AGMO: variants seen among roughly 807,000 people sequenced by gnomAD.
The protein encoded by AGMO is glyceryl-ether monooxygenase.
In AGMO, 75 loss-of-function variants were observed where a neutral mutation model predicts 60.2. The observed-to-expected ratio is 1.25, with a 90% confidence interval of 1.03 to 1.51. The LOEUF is 1.51. Among genes scored for constraint, AGMO ranks in the 40% most tolerant of loss-of-function variants. The pLI, the probability that AGMO is intolerant of heterozygous loss-of-function variation, is 0.00. For synonymous variants in AGMO, 261 were observed against 177.1 expected (o/e 1.47, Z -3.76); for missense variants, 763 against 525.5 (o/e 1.45, Z -4.42).
At chr7:15,317,927 G>GTATATATATATACACACACGTA (rs1780984122) in intron 12 of AGMO, among the ~76,000 whole-genome samples, 4 of 126,758 alleles carry the variant, frequency 3.2e-5, no homozygotes, top group African/African-American at 6.5e-5. Flanking sequence ...ATACACACAC[G>GTATATATATATACACACACGTA]TATATATATA....
intron 12 of AGMO, among the ~76,000 whole-genome samples, chr7:15,327,961 A>G (rs1781395866): frequency 6.6e-6 from 1 of 151,102 alleles, no homozygotes; most frequent in South Asian, 2.1e-4. Context: ...TTTTTGGTTG[A>G]GACAGGGTCT....
intron 3 of AGMO, among the ~76,000 whole-genome samples, chr7:15,473,575 G>C (rs1013354132): frequency 5.3e-5 from 8 of 152,036 alleles, no homozygotes; most frequent in Admixed American, 2.0e-4. Context: ...AATAATAAGA[G>C]CTATTTATGG....
chr7:15,327,604 GCA>G (rs1781379161), intron 12 of AGMO, among the ~76,000 whole-genome samples: 1 of 151,982 alleles, frequency 6.6e-6, no homozygotes, highest in Non-Finnish European at 1.5e-5. Context: ...GACTACTATA[GCA>G]CAGTGATATG....
chr7:15,123,593 G>A, the AGMO span, among the ~76,000 whole-genome samples: 1 of 152,024 alleles, frequency 6.6e-6, no homozygotes, highest in Non-Finnish European at 1.5e-5. Context: ...TTTTGATAAT[G>A]TATAAATAGC....
At chr7:15,417,360 G>A (rs893343599) in intron 5 of AGMO, among the ~76,000 whole-genome samples, 15 of 152,006 alleles carry the variant, frequency 9.9e-5, no homozygotes, top group African/African-American at 1.9e-4. Context: ...CCCTCTCATC[G>A]GGACACAGGA....
chr7:15,184,525 GGGAA>G, the AGMO span, among the ~76,000 whole-genome samples: 5 of 130,854 alleles, frequency 3.8e-5, no homozygotes, highest in Non-Finnish European at 8.1e-5. Context: ...AAGGGAGGGA[GGGAA>G]GGAAGGGAGG....
At chr7:15,256,025 A>T (rs1783090308) in intron 12 of AGMO, among the ~76,000 whole-genome samples, 1 of 152,236 alleles carries the variant, frequency 6.6e-6, no homozygotes, top group Non-Finnish European at 1.5e-5. Flanking sequence ...GCCGTGGTAT[A>T]GTGAAAAGAT....
chr7:15,394,296 G>A (rs969533261), intron 5 of AGMO, 117 bp from the exon 6 acceptor site: 3 of 770,516 alleles, frequency 3.9e-6, no homozygotes, highest in African/African-American at 1.8e-5. Flanking sequence ...TTCAGGGTTG[G>A]TATCAGAGAG....
rs1344809495 is a variant in AGMO at position 15,355,299 on chromosome 7, G to A, written c.1263+10215C>T. On this transcript the variant is annotated intron_variant, in intron 12 of 12. Coordinates refer to ENST00000342526, the MANE Select transcript of AGMO (RefSeq NM_001004320.2). ...GGGCGGATCACAAGGTCAGGAGATC[G>A]AGACCATCCTGGCTAACACGGTGAA... Among the ~76,000 whole-genome samples the A allele has an allele frequency of 2.6e-5, 4 of 151,854 alleles. No homozygotes were observed. In the South Asian group the frequency reaches 6.2e-4, roughly 24 times the overall value.
In AGMO at chr7:15,526,374, T is replaced by C. The variant is rs932844968; in HGVS notation, c.409+18398A>G. On this transcript the variant is annotated intron_variant, in intron 3 of 12. Transcript: ENST00000342526. ...AACATTTCTTTTTGCTGACTCCAAG[T>C]TTTAGTGAGAGCCTTACTTCTTTAA... is the stretch of plus-strand genomic sequence containing the variant. 2.6e-5 allele frequency among the ~76,000 whole-genome samples: 4 copies of C among 152,202 alleles called. No individual in the cohort carries two copies. The East Asian group carries it at 7.7e-4, about 29-fold the overall frequency.
intron 12 of AGMO, among the ~76,000 whole-genome samples, chr7:15,313,981 G>C (rs1254315033): frequency 3.3e-5 from 5 of 151,854 alleles, no homozygotes; most frequent in Admixed American, 3.3e-4. Context: ...GAATGACATA[G>C]GTGATGTAGT....
At position 15,282,253 on chromosome 7, in the gene AGMO, G is replaced by C. The variant is rs370390995; in HGVS notation, c.1264-80894C>G. Among the ~76,000 whole-genome samples, 7 of 151,824 alleles carry C rather than the reference G, an allele frequency of 4.6e-5. No individual in the cohort carries two copies. The East Asian group carries it at 1.2e-3, about 25-fold the overall frequency. On this transcript the variant is annotated intron_variant, in intron 12 of 12. Transcript: ENST00000342526. Reference sequence around the variant, plus strand: ...TGAAACCTCTACAATACCAGATAAAGAATTCAAAAGGTTGAATATTAAGCT... The same window carrying C: ...TGAAACCTCTACAATACCAGATAAACAATTCAAAAGGTTGAATATTAAGCT...
intron 10 of AGMO, among the ~76,000 whole-genome samples, chr7:15,368,375 T>TG (rs1463880374): frequency 6.6e-6 from 1 of 152,102 alleles, no homozygotes; most frequent in Non-Finnish European, 1.5e-5. Flanking sequence ...CTCACTATAT[T>TG]GCTTCATTGT....
At chr7:15,200,136 TATTAA>T (rs1242431547), downstream of AGMO, among the ~76,000 whole-genome samples, 2 of 152,004 alleles carry the variant, frequency 1.3e-5, no homozygotes, top group African/African-American at 4.8e-5. Context: ...TAAATTTTAT[TATTAA>T]ATTATTAAAT....
chr7:15,407,298 A>G (rs1391023268), intron 5 of AGMO, among the ~76,000 whole-genome samples: 4 of 147,330 alleles, frequency 2.7e-5, no homozygotes, highest in Non-Finnish European at 1.5e-5. Flanking sequence ...AACACTAGAA[A>G]TGCATACATG....
intron 4 of AGMO, among the ~76,000 whole-genome samples, chr7:15,430,634 A>ATTTT (rs1370832239): frequency 9.0e-6 from 1 of 110,676 alleles, no homozygotes; most frequent in Non-Finnish European, 2.1e-5. Flanking sequence ...TTTTTTTAAA[A>ATTTT]AAAAAAAAAA....
At chr7:15,435,732 T>C (rs1229385104) in intron 3 of AGMO, among the ~76,000 whole-genome samples, 2 of 152,202 alleles carry the variant, frequency 1.3e-5, no homozygotes, top group African/African-American at 2.4e-5. Context: ...ATATTCTTGA[T>C]GATTTTATTT....
chr7:15,244,783 C>T (rs1266966680), intron 12 of AGMO, among the ~76,000 whole-genome samples: 1 of 152,044 alleles, frequency 6.6e-6, no homozygotes, highest in Non-Finnish European at 1.5e-5. Context: ...TCCCGAGTGG[C>T]TGGGACTACA....
At chr7:15,156,598 A>G in the AGMO span, among the ~76,000 whole-genome samples, 1 of 152,320 alleles carries the variant, frequency 6.6e-6, no homozygotes, top group Non-Finnish European at 1.5e-5. Context: ...CTGGAGGTCA[A>G]TGATGAGAGT....
Sources: gnomAD v4.1 joint callset for allele counts (sites outside exome capture counted in the v4.1 genomes callset) on GRCh38, gnomAD v4.1.1 for gene constraint, MANE v1.5 for transcripts, NCBI Gene and HGNC (gene_info 2026-07-23, HGNC 2026-07-21) for gene names.